INTS3: variants seen among roughly 807,000 people sequenced by gnomAD.
The protein encoded by INTS3 is integrator complex subunit 3.
A neutral mutation model predicts 146.3 loss-of-function variants in INTS3; 34 were observed. That is an observed-to-expected ratio of 0.23 (90% confidence interval 0.18 to 0.31). INTS3 has a LOEUF of 0.31. INTS3 is among the 10% of genes least tolerant of loss of function. The pLI, the probability that INTS3 is intolerant of heterozygous loss-of-function variation, is 1.00. For synonymous variants in INTS3, 475 were observed against 494.9 expected, an observed-to-expected ratio of 0.96 and a Z score of 0.53; for missense variants, 757 against 1,304.2, an observed-to-expected ratio of 0.58 and a Z score of 6.46.
intron 6 of INTS3, among the ~76,000 whole-genome samples, chr1:153,750,501 C>T (rs769460412): frequency 2.0e-5 from 3 of 151,988 alleles, no homozygotes; most frequent in South Asian, 2.1e-4. Flanking sequence ...AGTGGGGACT[C>T]GTTGTGTATC....
chr1:153,764,823 C>T, intron 19 of INTS3, 89 bp downstream of exon 19: 3 of 1,527,886 alleles, frequency 2.0e-6, no homozygotes, highest in South Asian at 2.2e-5. Context: ...TAATGGGACT[C>T]GCTTTCCAGG....
chr1:153,734,961 G>A (rs1248734997), intron 1 of INTS3, among the ~76,000 whole-genome samples: 1 of 152,018 alleles, frequency 6.6e-6, no homozygotes, highest in Non-Finnish European at 1.5e-5. Flanking sequence ...CCCGCAAATT[G>A]AATAGTTTTT....
At chr1:153,739,726 C>T (rs917157620) in intron 1 of INTS3, among the ~76,000 whole-genome samples, 1 of 152,146 alleles carries the variant, frequency 6.6e-6, no homozygotes, top group Non-Finnish European at 1.5e-5. Flanking sequence ...ACCTCAGCCT[C>T]CCAAAGTGCT....
At chr1:153,732,206 G>A (rs575848253) in intron 1 of INTS3, among the ~76,000 whole-genome samples, 22 of 152,004 alleles carry the variant, frequency 1.4e-4, no homozygotes, top group African/African-American at 5.3e-4. Flanking sequence ...CCTGGCCAGA[G>A]CTTCCTCTTA....
chr1:153,744,477 C>G (rs1016203868), intron 3 of INTS3, among the ~76,000 whole-genome samples: 1 of 152,188 alleles, frequency 6.6e-6, no homozygotes, highest in African/African-American at 2.4e-5. Context: ...TTCACTGGGA[C>G]CCTTCATCTC....
intron 10 of INTS3, among the ~76,000 whole-genome samples, chr1:153,758,613 G>C (rs893753963): frequency 6.6e-6 from 1 of 152,108 alleles, no homozygotes; most frequent in African/African-American, 2.4e-5. Context: ...TTTGAGACCA[G>C]CCTGGGCAAC....
intron 8 of INTS3, among the ~76,000 whole-genome samples, 153 bp from the exon 9 acceptor site, chr1:153,754,489 C>T (rs1672087214): frequency 6.6e-6 from 1 of 152,176 alleles, no homozygotes; most frequent in Non-Finnish European, 1.5e-5. Context: ...GTTGGAATCC[C>T]CACCTGTGCT....
rs759098944 is a variant in INTS3, at chr1:153,763,877, G to T, written c.1812G>T (p.Gln604His). The T allele has an allele frequency of 7.4e-6, 12 of 1,613,956 alleles. No individual in the cohort carries two copies. The highest frequency in any genetic ancestry group is 1.0e-5 in the Non-Finnish European group (12 of 1,179,894). The change falls in exon 17 of 30, where the codon CAG becomes CAT. Residue 604 changes from glutamine to histidine, a missense_variant. Coordinates refer to ENST00000318967, the MANE Select transcript of INTS3 (RefSeq NM_023015.5). Reference sequence around the variant, plus strand: ...AGGTCATGCAGGAAATTGTGGACCAGGTCCTGGAGGTGAGGAGGAACCCAA... The same window carrying T: ...AGGTCATGCAGGAAATTGTGGACCATGTCCTGGAGGTGAGGAGGAACCCAA... ...QCEVMQEIVD[Q>H]VLEEDFDSEQ... is the part of the protein sequence containing the mutation.
chr1:153,764,862 A>G, intron 19 of INTS3, 82 bp from the exon 20 acceptor site: 1 of 1,569,366 alleles, frequency 6.4e-7, no homozygotes, highest in Non-Finnish European at 8.8e-7. Context: ...GGGCACAGAC[A>G]GCCCATGCCA....
chr1:153,759,397 C>T (rs998966217), intron 10 of INTS3, 129 bp from the exon 11 acceptor site: 9 of 720,610 alleles, frequency 1.2e-5, no homozygotes, highest in African/African-American at 8.7e-5. Flanking sequence ...AGCATTTCAC[C>T]GTGTTTCACT....
intron 8 of INTS3, among the ~76,000 whole-genome samples, chr1:153,753,978 G>GT (rs1557999749): frequency 1.2e-5 from 1 of 84,226 alleles, no homozygotes; most frequent in Non-Finnish European, 2.4e-5. Context: ...TTTTTTTTCT[G>GT]TTTTTTAAGA....
intron 13 of INTS3, 82 bp downstream of exon 13, chr1:153,761,000 CT>C (rs569891853): frequency 9.6e-6 from 15 of 1,567,118 alleles, no homozygotes; most frequent in Non-Finnish European, 1.3e-5. Context: ...CATAGCACTG[CT>C]GGCCCTTTTC....
chr1:153,729,694 C>T (rs561775806), intron 1 of INTS3, among the ~76,000 whole-genome samples: 28 of 152,016 alleles, frequency 1.8e-4, no homozygotes, highest in African/African-American at 6.3e-4. Flanking sequence ...GGTGAAACCC[C>T]GTCTCTACTA....
At position 153,728,458 on chromosome 1, in the gene INTS3, C is replaced by G. The variant is rs1252686902; in HGVS notation, c.-177C>G. 3 of 713,994 alleles carry G rather than the reference C, an allele frequency of 4.2e-6. No homozygotes were observed. Among genetic ancestry groups the G allele is most frequent in the Non-Finnish European group, 6.7e-6 (3 of 445,236 alleles). 44.2% of individuals were successfully genotyped at this position (713,994 alleles called of 1,614,324 possible). A position where few individuals can be genotyped will look rare whatever the true frequency, so the allele number is the denominator to read the frequency against. ...GGACCCAGAGGACTGTGCCTTCGCC[C>G]CCAACGCAGGCGCGGCCTTTTGGAG... On this transcript the variant is annotated 5_prime_UTR_variant, in exon 1 of 30. Coordinates refer to ENST00000318967, the MANE Select transcript of INTS3 (RefSeq NM_023015.5).
chr1:153,762,108 A>T (rs996084114), intron 14 of INTS3, among the ~76,000 whole-genome samples: 1 of 152,202 alleles, frequency 6.6e-6, no homozygotes, highest in Admixed American at 6.5e-5. Flanking sequence ...TTGTTTTGGG[A>T]TAAGGGTCTA....
At chr1:153,767,946 A>G (rs1672660825) in intron 21 of INTS3, 119 bp downstream of exon 21, 1 of 940,312 alleles carries the variant, frequency 1.1e-6, no homozygotes. Context: ...TAGGTGGGCC[A>G]TTGCTTCCCA....
intron 10 of INTS3, among the ~76,000 whole-genome samples, chr1:153,758,059 T>C (rs1019480633): frequency 2.6e-5 from 4 of 152,232 alleles, no homozygotes; most frequent in Non-Finnish European, 5.9e-5. Flanking sequence ...AGAAACCATA[T>C]ACAGCTATTC....
chr1:153,734,038 C>T (rs1244944515), intron 1 of INTS3, among the ~76,000 whole-genome samples: 1 of 152,034 alleles, frequency 6.6e-6, no homozygotes, highest in Non-Finnish European at 1.5e-5. Context: ...CCCCCTTTCT[C>T]CCCCATTTCA....
In INTS3 at chr1:153,767,809, G is replaced by A. The variant is rs61736048; in HGVS notation, c.2226G>A (p.Thr742=). The A allele has an allele frequency of 2.0e-3, 3,065 of 1,508,264 alleles. 48 individuals are homozygous for A. In the African/African-American group the frequency reaches 0.043, roughly 21 times the overall value. 93.4% of individuals were successfully genotyped at this position (1,508,264 alleles called of 1,614,324 possible). The stretch of plus-strand genomic sequence containing the variant: ...ATGTGCGGCTCCTGTGCCACCTCAC[G>A]CCCTCCATCTACACAGAGGTCAGTG... ...EDDVRLLCHL[T]PSIYTEFPDE... is the part of the protein sequence containing the mutation. Residue 742 remains threonine (T), a synonymous_variant, in exon 21 of 30, where the codon ACG becomes ACA. Coordinates refer to ENST00000318967, the MANE Select transcript of INTS3 (RefSeq NM_023015.5).
Sources: gnomAD v4.1 joint callset for allele counts (sites outside exome capture counted in the v4.1 genomes callset) on GRCh38, gnomAD v4.1.1 for gene constraint, MANE v1.5 for transcripts, NCBI Gene and HGNC (gene_info 2026-07-23, HGNC 2026-07-21) for gene names.